The following PTK2 variants were observed in gnomAD, a reference collection of about 807,000 sequenced individuals.
PTK2 encodes focal adhesion kinase 1.
Under a neutral mutation model 150.1 loss-of-function variants are expected in PTK2, and 45 were observed. The ratio of observed to expected loss-of-function variants is 0.30; its 90% CI spans 0.24 to 0.38. The LOEUF is 0.38. Ranked by LOEUF, PTK2 falls within the 10% of genes least tolerant of loss-of-function variation. PTK2 has a pLI of 1.00. For synonymous variants in PTK2, 432 were observed against 449.2 expected (o/e 0.96, Z 0.48); for missense variants, 919 against 1,307.3 (o/e 0.70, Z 4.58).
At chr8:140,832,829 A>G in intron 7 of PTK2, 1 of 518,832 alleles carries the variant, frequency 1.9e-6, no homozygotes, top group South Asian at 1.4e-5. Flanking sequence ...GGCAAGGTGT[A>G]CGTGCACGCC....
intron 1 of PTK2, among the ~76,000 whole-genome samples, chr8:140,990,716 CTCT>C (rs1169753389): frequency 2.6e-5 from 4 of 152,084 alleles, no homozygotes; most frequent in Admixed American, 6.6e-5. Context: ...TTTATCCCTA[CTCT>C]TCTTCTCTAT....
intron 14 of PTK2, among the ~76,000 whole-genome samples, chr8:140,785,192 G>T (rs1452615579): frequency 6.6e-6 from 1 of 152,186 alleles, no homozygotes; most frequent in Non-Finnish European, 1.5e-5. Context: ...GAGAGCCCCA[G>T]TGACACTGGT....
chr8:140,741,698 T>C (rs971762838), intron 20 of PTK2, among the ~76,000 whole-genome samples: 1 of 152,142 alleles, frequency 6.6e-6, no homozygotes, highest in African/African-American at 2.4e-5. Flanking sequence ...ACAATATGGA[T>C]TTATCTAAAC....
At chr8:140,726,047 A>C (rs1044597655) in intron 22 of PTK2, among the ~76,000 whole-genome samples, 4 of 152,192 alleles carry the variant, frequency 2.6e-5, no homozygotes, top group African/African-American at 7.2e-5. Context: ...CAAAAAAAAG[A>C]AGCAAACAAA....
chr8:140,738,683 T>C (rs776768061), intron 21 of PTK2, among the ~76,000 whole-genome samples: 1 of 151,856 alleles, frequency 6.6e-6, no homozygotes, highest in Non-Finnish European at 1.5e-5. Context: ...AAGGAACGAA[T>C]GAGATGGCAA....
intron 1 of PTK2, among the ~76,000 whole-genome samples, chr8:140,972,668 C>A (rs986323719): frequency 6.6e-6 from 1 of 152,140 alleles, no homozygotes. Context: ...TTTGCCTATT[C>A]ATCTGCAAAA....
intron 22 of PTK2, chr8:140,732,709 G>A: frequency 2.6e-6 from 1 of 386,822 alleles, no homozygotes; most frequent in Non-Finnish European, 5.3e-6. Flanking sequence ...TACTGTAGGT[G>A]CTCAACAGTG....
At chr8:140,687,521 G>A (rs902235944) in intron 26 of PTK2, among the ~76,000 whole-genome samples, 1 of 152,174 alleles carries the variant, frequency 6.6e-6, no homozygotes, top group Non-Finnish European at 1.5e-5. Flanking sequence ...CATTAGAGAT[G>A]GAGCATCTTG....
chr8:140,714,796 CAAAAAAAAAAA>C (rs398010102), intron 23 of PTK2, among the ~76,000 whole-genome samples: 2 of 46,864 alleles, frequency 4.3e-5, no homozygotes, highest in East Asian at 8.4e-4. Flanking sequence ...GGCTCTGTCT[CAAAAAAAAAAA>C]AAAAAAAAAA....
At chr8:140,939,921 A>C (rs1357376602) in intron 1 of PTK2, among the ~76,000 whole-genome samples, 6 of 152,222 alleles carry the variant, frequency 3.9e-5, no homozygotes, top group African/African-American at 1.4e-4. Flanking sequence ...AGTGCCAAAA[A>C]CAACTCCAAA....
chr8:140,676,545 G>A (rs902378473), intron 27 of PTK2, among the ~76,000 whole-genome samples: 3 of 147,356 alleles, frequency 2.0e-5, no homozygotes, highest in Admixed American at 6.9e-5. Context: ...TAAATAATGC[G>A]TATACACATA....
chr8:140,921,067 CT>C, intron 2 of PTK2: 1 of 1,317,320 alleles, frequency 7.6e-7, no homozygotes, highest in South Asian at 2.2e-5. Flanking sequence ...GGTGTTCCTT[CT>C]GTAATATTTT....
intron 14 of PTK2, among the ~76,000 whole-genome samples, chr8:140,782,968 G>A (rs191308894): frequency 5.9e-4 from 90 of 152,290 alleles, no homozygotes; most frequent in Non-Finnish European, 1.0e-3. Context: ...GCTAGGTGCA[G>A]TGGCTCACAC....
At chr8:140,962,068 C>A (rs901924284) in intron 1 of PTK2, among the ~76,000 whole-genome samples, 1 of 151,932 alleles carries the variant, frequency 6.6e-6, no homozygotes, top group Non-Finnish European at 1.5e-5. Context: ...CATGGCAAAA[C>A]CCCGTCTCTA....
At chr8:140,822,988 C>G (rs1047554067) in intron 8 of PTK2, among the ~76,000 whole-genome samples, 1 of 152,122 alleles carries the variant, frequency 6.6e-6, no homozygotes, top group Non-Finnish European at 1.5e-5. Context: ...CATGCTGCCT[C>G]AATGTACAAA....
intron 1 of PTK2, among the ~76,000 whole-genome samples, chr8:140,948,096 C>G (rs547655187): frequency 1.1e-4 from 17 of 152,282 alleles, no homozygotes; most frequent in Middle Eastern, 6.8e-3. Context: ...GCTAGTCCTG[C>G]TTCCCTATAC....
At chr8:140,896,414 A>G (rs7833533) in intron 2 of PTK2, among the ~76,000 whole-genome samples, 1 of 152,188 alleles carries the variant, frequency 6.6e-6, no homozygotes, top group African/African-American at 2.4e-5. Flanking sequence ...ATCCAGCAAT[A>G]TTTTAAAGGA....
chr8:140,986,047 T>G (rs866105571), intron 1 of PTK2, among the ~76,000 whole-genome samples: 8 of 152,192 alleles, frequency 5.3e-5, no homozygotes, highest in South Asian at 2.1e-4. Flanking sequence ...CACGTACCAG[T>G]GCAAGTCCCT....
At chr8:140,716,066 T>A (rs1193562794) in intron 23 of PTK2, among the ~76,000 whole-genome samples, 1 of 152,238 alleles carries the variant, frequency 6.6e-6, no homozygotes, top group African/African-American at 2.4e-5. Flanking sequence ...TAAAGTGCTG[T>A]ACAGTGAATT....
Sources: gnomAD v4.1 joint callset for allele counts (sites outside exome capture counted in the v4.1 genomes callset) on GRCh38, gnomAD v4.1.1 for gene constraint, MANE v1.5 for transcripts, NCBI Gene and HGNC (gene_info 2026-07-23, HGNC 2026-07-21) for gene names.